The following DYNC1LI1 variants were observed in gnomAD, a reference collection of about 807,000 sequenced individuals.
The protein encoded by DYNC1LI1 is dynein cytoplasmic 1 light intermediate chain 1.
Under a neutral mutation model 63.8 loss-of-function variants are expected in DYNC1LI1, and 19 were observed. The ratio of observed to expected loss-of-function variants is 0.30; its 90% confidence interval spans 0.21 to 0.44. DYNC1LI1 has a LOEUF of 0.44. Ranked by LOEUF, DYNC1LI1 falls within the 20% of genes least tolerant of loss-of-function variation. DYNC1LI1 has a pLI of 1.00. For missense variants in DYNC1LI1, 565 were observed against 630.2 expected, an observed-to-expected ratio of 0.90 and a Z score of 1.11; for synonymous variants, 225 against 232.3, an observed-to-expected ratio of 0.97 and a Z score of 0.28.
At chr3:32,536,975 G>T in intron 6 of DYNC1LI1, 36 bp downstream of exon 6, 2 of 1,199,172 alleles carry the variant, frequency 1.7e-6, no homozygotes, top group South Asian at 1.3e-5. Flanking sequence ...CAGGTAAAGT[G>T]ATACACTGAA....
intron 10 of DYNC1LI1, 43 bp downstream of exon 10, chr3:32,530,241 T>C: frequency 6.7e-7 from 1 of 1,493,912 alleles, no homozygotes; most frequent in Non-Finnish European, 9.1e-7. Flanking sequence ...TAAAATAATA[T>C]GTACTGCATT....
chr3:32,550,931 C>G (rs570840316), intron 2 of DYNC1LI1, among the ~76,000 whole-genome samples: 1 of 151,576 alleles, frequency 6.6e-6, no homozygotes, highest in East Asian at 1.9e-4. Flanking sequence ...GTTCAAGAGC[C>G]TGGGTGATCA....
At chr3:32,530,095 G>C (rs1268314422) in intron 10 of DYNC1LI1, among the ~76,000 whole-genome samples, 189 bp downstream of exon 10, 1 of 152,106 alleles carries the variant, frequency 6.6e-6, no homozygotes, top group Non-Finnish European at 1.5e-5. Context: ...ATAAATGGCT[G>C]AGTATTGACA....
At chr3:32,558,338 C>G (rs886634353) in intron 2 of DYNC1LI1, among the ~76,000 whole-genome samples, 3 of 149,444 alleles carry the variant, frequency 2.0e-5, no homozygotes, top group Non-Finnish European at 4.4e-5. Context: ...ATACTTTAAG[C>G]TTCTCAGGCC....
rs1433283574 is a variant in DYNC1LI1, at chr3:32,530,454, T to C, written c.1140+7A>G. 1.9e-6 allele frequency: 3 copies of C among 1,613,060 alleles called. No homozygotes were observed. The African/African-American group carries it at 4.0e-5, about 22-fold the overall frequency. On this transcript the variant is annotated splice_region_variant and intron_variant, in intron 9 of 12. Coordinates refer to ENST00000273130, the MANE Select transcript of DYNC1LI1 (RefSeq NM_016141.4). ...ATACTAAGTCTGCTTCTGATATAATTTCATACCTGTAGCTTCATAAGAAAC... is the reference window on the plus strand; with the variant it reads ...ATACTAAGTCTGCTTCTGATATAATCTCATACCTGTAGCTTCATAAGAAAC...
intron 2 of DYNC1LI1, among the ~76,000 whole-genome samples, chr3:32,568,128 G>T (rs1018907028): frequency 6.6e-6 from 1 of 152,132 alleles, no homozygotes; most frequent in Non-Finnish European, 1.5e-5. Flanking sequence ...GGGCCACTGT[G>T]CCTGGCCTTA....
At chr3:32,540,963 A>C in intron 5 of DYNC1LI1, 74 bp downstream of exon 5, 1 of 1,281,368 alleles carries the variant, frequency 7.8e-7, no homozygotes, top group Non-Finnish European at 1.0e-6. Flanking sequence ...GTTAACTCCA[A>C]AAAACCTGGA....
At chr3:32,552,830 C>T (rs1458831754) in intron 2 of DYNC1LI1, among the ~76,000 whole-genome samples, 2 of 152,084 alleles carry the variant, frequency 1.3e-5, no homozygotes, top group African/African-American at 2.4e-5. Context: ...CTCAGCCTCC[C>T]GAGTAGCTGG....
Position 32,541,117 on chromosome 3 carries a change from C to G in DYNC1LI1, c.658G>C (p.Asp220His), listed in dbSNP as rs1376496159. 2.5e-6 allele frequency: 4 copies of G among 1,613,590 alleles called. No homozygotes were observed. The highest frequency in any genetic ancestry group is 3.4e-6 in the Non-Finnish European group (4 of 1,179,726). ...CCCAGAGGTAAAACTACACTGTCAT[C>G]TTTGTCTTCTTGTGACGCAGTATTT... ...RRNTASQEDK[D>H]DSVVLPLGAD... The change falls in exon 5 of 13, where the codon GAT becomes CAT. Residue 220 changes from aspartate (D) to histidine (H), a missense_variant. Transcript: ENST00000273130.
intron 5 of DYNC1LI1, among the ~76,000 whole-genome samples, chr3:32,540,804 T>C (rs1017152083): frequency 6.6e-6 from 1 of 152,206 alleles, no homozygotes; most frequent in Non-Finnish European, 1.5e-5. Context: ...ATTGGAATTA[T>C]GAAAATGAAA....
chr3:32,561,034 C>CAAA (rs1553619588), intron 2 of DYNC1LI1, among the ~76,000 whole-genome samples: 2 of 51,918 alleles, frequency 3.9e-5, no homozygotes, highest in Admixed American at 2.4e-4. Context: ...AAAAAAAAAA[C>CAAA]AAACAAAAAA....
intron 5 of DYNC1LI1, among the ~76,000 whole-genome samples, chr3:32,537,937 A>ATATATATAAT (rs60796171): frequency 2.2e-4 from 3 of 13,886 alleles, no homozygotes; most frequent in African/African-American, 1.0e-3. Context: ...ATATATATAT[A>ATATATATAAT]ATATATATAT....
In DYNC1LI1 at chr3:32,530,454, T is replaced by G; in HGVS notation, c.1140+7A>C. On this transcript the variant is annotated splice_region_variant and intron_variant, in intron 9 of 12. Transcript: ENST00000273130. Reference sequence around the variant, plus strand: ...ATACTAAGTCTGCTTCTGATATAATTTCATACCTGTAGCTTCATAAGAAAC... The same window carrying G: ...ATACTAAGTCTGCTTCTGATATAATGTCATACCTGTAGCTTCATAAGAAAC... The G allele has an allele frequency of 6.2e-7, 1 of 1,613,178 alleles. No individual in the cohort carries two copies. Among genetic ancestry groups the G allele is most frequent in the South Asian group, 1.1e-5 (1 of 91,076 alleles).
intron 5 of DYNC1LI1, among the ~76,000 whole-genome samples, chr3:32,537,902 TATATATATATAATTTATATATATA>T (rs1697798501): frequency 4.0e-5 from 2 of 50,020 alleles, no homozygotes; most frequent in African/African-American, 7.7e-5. Context: ...ATATATATAA[TATATATATATAATTTATATATATA>T]ATATATATAT....
Position 32,555,236 on chromosome 3 carries a change from C to G in DYNC1LI1, c.221-9271G>C, listed in dbSNP as rs150875844. Among the ~76,000 whole-genome samples, 974 of 152,308 alleles carry G rather than the reference C, an allele frequency of 6.4e-3. 8 individuals are homozygous for G. The highest frequency in any genetic ancestry group is 0.022 in the African/African-American group (923 of 41,560). ...AAGCCCATTTCTTCTTTTCATACAT[C>G]TTAAGCTTCAATTCAAAATCCTCTT... On this transcript the variant is annotated intron_variant, in intron 2 of 12. Coordinates refer to ENST00000273130, the MANE Select transcript of DYNC1LI1 (RefSeq NM_016141.4).
Position 32,546,326 on chromosome 3 carries a change from T to C in DYNC1LI1, c.221-361A>G, listed in dbSNP as rs547780136. On this transcript the variant is annotated intron_variant, in intron 2 of 12. Transcript: ENST00000273130. ...AGGAGGCTGAGGCAGAAGAATCTCT[T>C]GGACCTGGGAGGCGGAGGTTGCAGT... Among the ~76,000 whole-genome samples the C allele has an allele frequency of 1.4e-4, 22 of 152,182 alleles. 1 individual carries two copies. In the South Asian group the frequency reaches 4.6e-3, roughly 32 times the overall value.
At chr3:32,561,022 AAAAAAAAAAAAC>A (rs1698184577) in intron 2 of DYNC1LI1, among the ~76,000 whole-genome samples, 1 of 141,014 alleles carries the variant, frequency 7.1e-6, no homozygotes. Context: ...AAAAAAAAAA[AAAAAAAAAAAAC>A]AAACAAAAAA....
intron 3 of DYNC1LI1, chr3:32,545,404 A>G (rs1197805726): frequency 2.4e-6 from 1 of 424,296 alleles, no homozygotes; most frequent in Admixed American, 4.1e-5. Context: ...TAACTTGTTT[A>G]TGTTTTTACC....
At chr3:32,555,847 G>A (rs1698107872) in intron 2 of DYNC1LI1, among the ~76,000 whole-genome samples, 1 of 152,184 alleles carries the variant, frequency 6.6e-6, no homozygotes, top group Non-Finnish European at 1.5e-5. Flanking sequence ...ATGTGATAAA[G>A]CAAATGTAAT....
Sources: gnomAD v4.1 joint callset for allele counts (sites outside exome capture counted in the v4.1 genomes callset) on GRCh38, gnomAD v4.1.1 for gene constraint, MANE v1.5 for transcripts, NCBI Gene and HGNC (gene_info 2026-07-23, HGNC 2026-07-21) for gene names.